The following GRIA4 variants were observed in gnomAD, a reference collection of about 807,000 sequenced individuals.
GRIA4 encodes the protein glutamate ionotropic receptor AMPA type subunit 4, also known as glutamate receptor 4.
Under a neutral mutation model 104.0 loss-of-function variants are expected in GRIA4, and 34 were observed. The observed-to-expected ratio is 0.33, with a 90% CI of 0.25 to 0.44. GRIA4 has a LOEUF of 0.44. GRIA4 is among the 20% of genes least tolerant of loss of function. The pLI, the probability that GRIA4 is intolerant of heterozygous loss-of-function variation, is 1.00. For synonymous variants in GRIA4, 386 were observed against 381.9 expected, an observed-to-expected ratio of 1.01 and a Z score of -0.13; for missense variants, 750 against 1,096.5, an observed-to-expected ratio of 0.68 and a Z score of 4.46.
At chr11:105,698,293 T>G (rs2135514747) in intron 3 of GRIA4, among the ~76,000 whole-genome samples, 1 of 152,218 alleles carries the variant, frequency 6.6e-6, no homozygotes, top group South Asian at 2.1e-4. Flanking sequence ...TAGTGCAAGA[T>G]TATTGTTTTA....
At chr11:105,732,316 T>C (rs895785405) in intron 3 of GRIA4, among the ~76,000 whole-genome samples, 1 of 152,114 alleles carries the variant, frequency 6.6e-6, no homozygotes, top group Non-Finnish European at 1.5e-5. Flanking sequence ...AACATATCTA[T>C]AGAAGTGCCC....
intron 14 of GRIA4, among the ~76,000 whole-genome samples, chr11:105,938,559 A>G (rs1948108524): frequency 6.6e-6 from 1 of 152,154 alleles, no homozygotes; most frequent in South Asian, 2.1e-4. Context: ...TTGCTTATGA[A>G]TACCCTTCAT....
At chr11:105,776,595 A>T (rs1409814816) in intron 4 of GRIA4, among the ~76,000 whole-genome samples, 1 of 152,186 alleles carries the variant, frequency 6.6e-6, no homozygotes, top group African/African-American at 2.4e-5. Context: ...AGTGCCAGGT[A>T]CATAGCAATG....
chr11:105,650,496 TG>T (rs1171113377), intron 3 of GRIA4, among the ~76,000 whole-genome samples: 2 of 151,484 alleles, frequency 1.3e-5, no homozygotes, highest in African/African-American at 4.8e-5. Context: ...ACCAAGAGTC[TG>T]AAAAAAAAAA....
At chr11:105,907,694 G>T (rs1196203986) in intron 9 of GRIA4, among the ~76,000 whole-genome samples, 1 of 152,162 alleles carries the variant, frequency 6.6e-6, no homozygotes, top group Non-Finnish European at 1.5e-5. Context: ...ATCTTTAATT[G>T]TAAAAATTTC....
At chr11:105,852,881 A>G (rs1251735055) in intron 4 of GRIA4, among the ~76,000 whole-genome samples, 1 of 139,282 alleles carries the variant, frequency 7.2e-6, no homozygotes, top group Non-Finnish European at 1.6e-5. Context: ...GACGAAAGTA[A>G]CAGTTTAAAA....
chr11:105,626,572 A>G lies in GRIA4; in HGVS notation c.247+14138A>G, dbSNP rs1950892199. Reference sequence around the variant, plus strand: ...TCAAAAGCCATTGAAATTGTGAATCATTTGACCCCATGAATGTAGGAAAAC... The same window carrying G: ...TCAAAAGCCATTGAAATTGTGAATCGTTTGACCCCATGAATGTAGGAAAAC... On this transcript the variant is annotated intron_variant, in intron 3 of 16. Transcript: ENST00000282499. 2.0e-5 allele frequency among the ~76,000 whole-genome samples: 3 copies of G among 152,298 alleles called. No individual in the cohort carries two copies. In the South Asian group the frequency reaches 6.2e-4, roughly 32 times the overall value.
At chr11:105,669,558 C>A (rs1315724955) in intron 3 of GRIA4, among the ~76,000 whole-genome samples, 1 of 152,008 alleles carries the variant, frequency 6.6e-6, no homozygotes, top group African/African-American at 2.4e-5. Flanking sequence ...CAAAATCCAC[C>A]TCATTTTTAC....
intron 13 of GRIA4, among the ~76,000 whole-genome samples, chr11:105,932,025 G>A (rs1481936523): frequency 2.6e-5 from 4 of 151,034 alleles, no homozygotes; most frequent in African/African-American, 4.8e-5. Flanking sequence ...ACACAAAGAC[G>A]TAAGTCTGAA....
chr11:105,856,391 C>T (rs1945008527), intron 4 of GRIA4, among the ~76,000 whole-genome samples: 1 of 152,124 alleles, frequency 6.6e-6, no homozygotes, highest in South Asian at 2.1e-4. Context: ...CAATTCTCCA[C>T]ATATCCCTTC....
chr11:105,928,144 T>A (rs1182092688), intron 13 of GRIA4, among the ~76,000 whole-genome samples: 1 of 152,012 alleles, frequency 6.6e-6, no homozygotes, highest in Admixed American at 6.6e-5. Context: ...TTTATCCTTT[T>A]TAAAGAAAAT....
At chr11:105,640,506 A>G (rs955618796) in intron 3 of GRIA4, among the ~76,000 whole-genome samples, 4 of 151,894 alleles carry the variant, frequency 2.6e-5, no homozygotes, top group Non-Finnish European at 5.9e-5. Flanking sequence ...TCTATTCCAG[A>G]TTAACATTTT....
chr11:105,974,989 T>C (rs917531707), intron 16 of GRIA4: 4 of 165,916 alleles, frequency 2.4e-5, no homozygotes, highest in African/African-American at 7.2e-5. Context: ...CAAAGTCATA[T>C]TGTTTTCTGA....
At chr11:105,637,612 C>T (rs117990271) in intron 3 of GRIA4, among the ~76,000 whole-genome samples, 1 of 152,252 alleles carries the variant, frequency 6.6e-6, no homozygotes, top group Non-Finnish European at 1.5e-5. Flanking sequence ...AGATAGTTAA[C>T]ATGTAGACTA....
At chr11:105,639,768 G>A (rs1208976081) in intron 3 of GRIA4, among the ~76,000 whole-genome samples, 1 of 151,866 alleles carries the variant, frequency 6.6e-6, no homozygotes, top group African/African-American at 2.4e-5. Flanking sequence ...TTATTGATCT[G>A]TATCTTTTTA....
At chr11:105,730,714 AATAACACCACAC>A (rs1938531242) in intron 3 of GRIA4, among the ~76,000 whole-genome samples, 1 of 152,164 alleles carries the variant, frequency 6.6e-6, no homozygotes, top group Non-Finnish European at 1.5e-5. Context: ...AGTCCTCAGA[AATAACACCACAC>A]ATCTAGAACC....
chr11:105,818,325 G>A (rs1355159257), intron 4 of GRIA4, among the ~76,000 whole-genome samples: 2 of 152,106 alleles, frequency 1.3e-5, no homozygotes, highest in Non-Finnish European at 2.9e-5. Flanking sequence ...TCAGGGAAGA[G>A]ATGAATGCTA....
intron 4 of GRIA4, among the ~76,000 whole-genome samples, chr11:105,843,190 C>T (rs1191149157): frequency 6.6e-6 from 1 of 152,158 alleles, no homozygotes; most frequent in East Asian, 1.9e-4. Context: ...CCTTTGTGTT[C>T]ACATCAGGAG....
chr11:105,895,930 G>A (rs530990649), intron 6 of GRIA4, among the ~76,000 whole-genome samples: 4 of 152,284 alleles, frequency 2.6e-5, no homozygotes, highest in South Asian at 4.1e-4. Context: ...TTCCCTTTGG[G>A]TATATACCCA....
Sources: gnomAD v4.1 joint callset for allele counts (sites outside exome capture counted in the v4.1 genomes callset) on GRCh38, gnomAD v4.1.1 for gene constraint, MANE v1.5 for transcripts, NCBI Gene and HGNC (gene_info 2026-07-23, HGNC 2026-07-21) for gene names.